REDIC1: variants seen among roughly 807,000 people sequenced by gnomAD.
REDIC1 encodes the protein regulator of DNA class I crossover intermediates 1.
the REDIC1 span, chr12:39,759,909 G>T: frequency 2.6e-5 from 18 of 702,174 alleles, no homozygotes; most frequent in African/African-American, 2.3e-4. Flanking sequence ...AGAATATGAA[G>T]TCAATCAAAA....
the REDIC1 span, among the ~76,000 whole-genome samples, chr12:39,653,603 C>CTT: frequency 7.9e-6 from 1 of 125,870 alleles, no homozygotes; most frequent in African/African-American, 3.0e-5. Flanking sequence ...TCTTCTTCTT[C>CTT]TTTTTTTTTT....
the REDIC1 span, chr12:39,830,292 T>C: frequency 5.6e-5 from 87 of 1,559,512 alleles, 2 homozygotes; most frequent in Middle Eastern, 8.8e-4. Flanking sequence ...ATATACTGGA[T>C]TCCATGTGCT....
chr12:39,674,380 T>C, the REDIC1 span, among the ~76,000 whole-genome samples: 1 of 152,162 alleles, frequency 6.6e-6, no homozygotes, highest in African/African-American at 2.4e-5. Flanking sequence ...TTTTGGAAAA[T>C]GGCAGGTAAG....
chr12:39,813,516 G>A, the REDIC1 span, among the ~76,000 whole-genome samples: 1 of 151,938 alleles, frequency 6.6e-6, no homozygotes, highest in Non-Finnish European at 1.5e-5. Context: ...ATCTCTGCAA[G>A]GACTTAAAAA....
At chr12:39,757,314 A>G in the REDIC1 span, 1 of 151,866 alleles carries the variant, frequency 6.6e-6, no homozygotes, top group Non-Finnish European at 1.5e-5. Flanking sequence ...TTAATATGGT[A>G]GGTCAAATCA....
At chr12:39,664,761 C>T in the REDIC1 span, among the ~76,000 whole-genome samples, 2 of 152,090 alleles carry the variant, frequency 1.3e-5, no homozygotes, top group Non-Finnish European at 2.9e-5. Flanking sequence ...TTTTAATAAT[C>T]GCCATTCTAA....
the REDIC1 span, among the ~76,000 whole-genome samples, chr12:39,799,627 A>C: frequency 9.9e-5 from 15 of 152,232 alleles, no homozygotes; most frequent in Admixed American, 8.5e-4. Flanking sequence ...ACCTGGTCAA[A>C]AAGATTGGAA....
chr12:39,896,502 G>GTATATGTGTATATATGTACACATA, the REDIC1 span, among the ~76,000 whole-genome samples: 1 of 144,716 alleles, frequency 6.9e-6, no homozygotes, highest in East Asian at 2.3e-4. Context: ...ACACATATAT[G>GTATATGTGTATATATGTACACATA]TATGTACATG....
chr12:39,694,317 A>G, the REDIC1 span, among the ~76,000 whole-genome samples: 3 of 152,176 alleles, frequency 2.0e-5, no homozygotes, highest in Admixed American at 6.5e-5. Flanking sequence ...TTTTAACTTT[A>G]TATCACTGAA....
the REDIC1 span, among the ~76,000 whole-genome samples, chr12:39,786,235 G>A: frequency 6.6e-6 from 1 of 152,094 alleles, no homozygotes; most frequent in East Asian, 1.9e-4. Flanking sequence ...TGAATCATGG[G>A]GGCTGGTCTT....
the REDIC1 span, among the ~76,000 whole-genome samples, chr12:39,711,879 GCATGTGTATGTGTA>G: frequency 8.4e-6 from 1 of 118,860 alleles, no homozygotes; most frequent in African/African-American, 3.8e-5. Flanking sequence ...GTATACACAT[GCATGTGTATGTGTA>G]TACACGTATA....
the REDIC1 span, among the ~76,000 whole-genome samples, chr12:39,712,607 G>A: frequency 7.0e-6 from 1 of 143,212 alleles, no homozygotes; most frequent in Admixed American, 7.0e-5. Flanking sequence ...ACATATATAT[G>A]TATATATAGA....
chr12:39,646,202 T>C, the REDIC1 span: 1 of 314,128 alleles, frequency 3.2e-6, no homozygotes, highest in Non-Finnish European at 5.7e-6. Flanking sequence ...TTAGCACTGA[T>C]AGAATGTAAA....
At chr12:39,647,550 GGA>G in the REDIC1 span, among the ~76,000 whole-genome samples, 1 of 151,962 alleles carries the variant, frequency 6.6e-6, no homozygotes, top group Non-Finnish European at 1.5e-5. Context: ...GAATGGAGCT[GGA>G]GGATGGAGAG....
chr12:39,783,524 C>T, the REDIC1 span, among the ~76,000 whole-genome samples: 1 of 152,188 alleles, frequency 6.6e-6, no homozygotes. Flanking sequence ...ACATCCTCTC[C>T]AGCACCTGTT....
chr12:39,705,034 G>T, the REDIC1 span, among the ~76,000 whole-genome samples: 8 of 151,692 alleles, frequency 5.3e-5, no homozygotes, highest in African/African-American at 1.7e-4. Flanking sequence ...TAACTAACCT[G>T]CACAATGTGC....
At chr12:39,809,346 G>A in the REDIC1 span, among the ~76,000 whole-genome samples, 1 of 152,070 alleles carries the variant, frequency 6.6e-6, no homozygotes, top group Non-Finnish European at 1.5e-5. Context: ...GATAGGGCAT[G>A]TCTTTCTTTT....
the REDIC1 span, among the ~76,000 whole-genome samples, chr12:39,711,996 G>T: frequency 3.6e-5 from 2 of 55,758 alleles, no homozygotes; most frequent in African/African-American, 5.6e-5. Context: ...CTATATACAT[G>T]TCTGTATATA....
the REDIC1 span, among the ~76,000 whole-genome samples, chr12:39,900,305 A>G: frequency 6.6e-6 from 1 of 151,878 alleles, no homozygotes; most frequent in African/African-American, 2.4e-5. Flanking sequence ...CTCTCTCACC[A>G]CTCCTATTCA....
Sources: gnomAD v4.1 joint callset for allele counts (sites outside exome capture counted in the v4.1 genomes callset) on GRCh38, gnomAD v4.1.1 for gene constraint, MANE v1.5 for transcripts, NCBI Gene and HGNC (gene_info 2026-07-23, HGNC 2026-07-21) for gene names.